SERINC1: variants seen among roughly 807,000 people sequenced by gnomAD.
The protein encoded by SERINC1 is serine incorporator 1.
A neutral mutation model predicts 52.9 loss-of-function variants in SERINC1; 38 were observed. The ratio of observed to expected loss-of-function variants is 0.72; its 90% CI spans 0.55 to 0.94. The LOEUF is 0.94. SERINC1 is among the 40% of genes least tolerant of loss of function. The pLI, the probability that SERINC1 is intolerant of heterozygous loss-of-function variation, is 0.00. For missense variants in SERINC1, 471 were observed against 533.9 expected, an observed-to-expected ratio of 0.88 and a Z score of 1.16; for synonymous variants, 198 against 183.1, an observed-to-expected ratio of 1.08 and a Z score of -0.66.
intron 1 of SERINC1, among the ~76,000 whole-genome samples, chr6:122,466,410 T>C (rs1331557030): frequency 6.6e-6 from 1 of 152,136 alleles, no homozygotes; most frequent in African/African-American, 2.4e-5. Flanking sequence ...ACAACCTCCC[T>C]GGGTTTAGGT....
chr6:122,456,501 A>G lies in SERINC1; in HGVS notation c.351T>C (p.Pro117=), dbSNP rs760241627. 9 of 1,600,054 alleles carry G rather than the reference A, an allele frequency of 5.6e-6. No individual in the cohort carries two copies. The highest frequency in any genetic ancestry group is 1.7e-5 in the Admixed American group (1 of 57,264). ...CTTACCCATTGTGCACTGCAGCTCT[A>G]GGATCACTGCTACTCTTCACTTTGA... is the stretch of plus-strand genomic sequence containing the variant. ...LMIKVKSSSD[P]RAAVHNGFWF... is the part of the protein sequence containing the mutation. Residue 117 remains proline, a synonymous_variant, in exon 3 of 10, where the codon CCT becomes CCC. Transcript: ENST00000339697.
At chr6:122,456,935 A>T (rs957469237) in intron 2 of SERINC1, among the ~76,000 whole-genome samples, 2 of 152,154 alleles carry the variant, frequency 1.3e-5, no homozygotes, top group Non-Finnish European at 2.9e-5. Flanking sequence ...CTTGCATTCT[A>T]CTTGAATAGC....
chr6:122,466,727 T>C (rs1421620317), intron 1 of SERINC1, among the ~76,000 whole-genome samples: 3 of 152,016 alleles, frequency 2.0e-5, no homozygotes, highest in Non-Finnish European at 4.4e-5. Flanking sequence ...ATCAAGGAAA[T>C]TTCTCAGAAA....
chr6:122,451,364 T>C (rs1774900413), intron 7 of SERINC1, among the ~76,000 whole-genome samples: 1 of 152,150 alleles, frequency 6.6e-6, no homozygotes, highest in African/African-American at 2.4e-5. Flanking sequence ...TAGTGTAAGA[T>C]AAACAAAAGT....
At chr6:122,458,855 C>G (rs530857238) in intron 1 of SERINC1, among the ~76,000 whole-genome samples, 174 bp from the exon 2 acceptor site, 1 of 152,172 alleles carries the variant, frequency 6.6e-6, no homozygotes, top group African/African-American at 2.4e-5. Context: ...TACCACAAAA[C>G]TTAGCAACTT....
chr6:122,452,266 A>T (rs1232088948), intron 5 of SERINC1, among the ~76,000 whole-genome samples: 1 of 152,218 alleles, frequency 6.6e-6, no homozygotes, highest in African/African-American at 2.4e-5. Context: ...ACACATAGCT[A>T]TTATGTATTT....
intron 5 of SERINC1, 150 bp downstream of exon 5, chr6:122,453,620 T>G (rs1417882824): frequency 3.9e-6 from 2 of 515,566 alleles, no homozygotes; most frequent in Non-Finnish European, 6.5e-6. Context: ...GCTGATACAA[T>G]GTGATATTTT....
chr6:122,446,952 C>T lies in SERINC1; in HGVS notation c.1048G>A (p.Glu350Lys), dbSNP rs1371114145. 1.2e-6 allele frequency: 2 copies of T among 1,613,624 alleles called. No individual in the cohort carries two copies. Among genetic ancestry groups the T allele is most frequent in the Non-Finnish European group, 1.7e-6 (2 of 1,179,562 alleles). ...QVNKLTLTSDESTLIEDGGAR... is the reference protein window; with the variant it reads ...QVNKLTLTSDKSTLIEDGGAR... Reference sequence around the variant, plus strand: ...CCACCATCTTCTATTAATGTAGATTCATCACTTGTTAGAGTCAGTTTATTA... The same window carrying T: ...CCACCATCTTCTATTAATGTAGATTTATCACTTGTTAGAGTCAGTTTATTA... Residue 350 changes from glutamate (E) to lysine (K), a missense_variant, in exon 9 of 10, where the codon GAA becomes AAA. Physicochemically the swap from Glu to Lys is moderately conservative, Grantham distance 56 (BLOSUM62 1). Transcript: ENST00000339697.
At chr6:122,465,290 G>C (rs1374176712) in intron 1 of SERINC1, among the ~76,000 whole-genome samples, 1 of 152,110 alleles carries the variant, frequency 6.6e-6, no homozygotes, top group Non-Finnish European at 1.5e-5. Context: ...TAAAGGTATA[G>C]TAAAAATAGA....
chr6:122,456,817 A>G (rs1288905321), intron 2 of SERINC1, among the ~76,000 whole-genome samples, 167 bp from the exon 3 acceptor site: 2 of 152,200 alleles, frequency 1.3e-5, no homozygotes, highest in Non-Finnish European at 2.9e-5. Flanking sequence ...AATCACATAC[A>G]GTGGGGAAAA....
intron 2 of SERINC1, among the ~76,000 whole-genome samples, chr6:122,457,359 C>T (rs1420929008): frequency 3.9e-5 from 6 of 152,176 alleles, no homozygotes; most frequent in Non-Finnish European, 8.8e-5. Context: ...CATACGCTGC[C>T]ATGGTTTCAA....
chr6:122,470,061 A>G (rs1461442896), intron 1 of SERINC1, among the ~76,000 whole-genome samples: 1 of 152,216 alleles, frequency 6.6e-6, no homozygotes, highest in Non-Finnish European at 1.5e-5. Context: ...ACAATAAAAT[A>G]AATTCCAAAC....
rs202161596 is a variant in SERINC1 at position 122,456,463 on chromosome 6, G to A, written c.371+18C>T. Reference sequence around the variant, plus strand: ...AGGCTACCCAAGCTTTTATATTGAAGCTTATTTAAAAACTTACCCATTGTG... The same window carrying A: ...AGGCTACCCAAGCTTTTATATTGAAACTTATTTAAAAACTTACCCATTGTG... On this transcript the variant is annotated intron_variant, in intron 3 of 9. Coordinates refer to ENST00000339697, the MANE Select transcript of SERINC1 (RefSeq NM_020755.4). 1.4e-6 allele frequency: 2 copies of A among 1,461,822 alleles called. No individual in the cohort carries two copies. Among genetic ancestry groups the A allele is most frequent in the African/African-American group, 2.9e-5 (2 of 69,410 alleles). 90.6% of individuals were successfully genotyped at this position (1,461,822 alleles called of 1,614,324 possible).
chr6:122,467,263 T>C (rs1286770686), intron 1 of SERINC1, among the ~76,000 whole-genome samples: 1 of 152,142 alleles, frequency 6.6e-6, no homozygotes, highest in African/African-American at 2.4e-5. Flanking sequence ...TATCTGAACT[T>C]AGAGATGCAT....
intron 1 of SERINC1, among the ~76,000 whole-genome samples, chr6:122,470,430 T>C (rs1294547786): frequency 6.6e-6 from 1 of 152,196 alleles, no homozygotes; most frequent in Non-Finnish European, 1.5e-5. Context: ...ACATTACAAA[T>C]TGAATTGCAT....
At chr6:122,455,160 A>G (rs1341936641) in intron 3 of SERINC1, among the ~76,000 whole-genome samples, 1 of 152,146 alleles carries the variant, frequency 6.6e-6, no homozygotes, top group Non-Finnish European at 1.5e-5. Flanking sequence ...TAGACTTCTG[A>G]TAGTTATACT....
At chr6:122,447,356 T>G in intron 7 of SERINC1, 91 bp from the exon 8 acceptor site, 1 of 904,762 alleles carries the variant, frequency 1.1e-6, no homozygotes, top group Non-Finnish European at 1.7e-6. Flanking sequence ...TCTATACCCC[T>G]GCAAATTGAG....
At position 122,446,714 on chromosome 6, in the gene SERINC1, A is replaced by T. The variant is rs1170188066; in HGVS notation, c.1226+60T>A. On this transcript the variant is annotated intron_variant, in intron 9 of 9. Coordinates refer to ENST00000339697, the MANE Select transcript of SERINC1 (RefSeq NM_020755.4). ...CTTCATATCACATCATGGTTTCACA[A>T]GAGAATCATAAAATGCCATCAGAAT... 4 of 1,135,920 alleles carry T rather than the reference A, an allele frequency of 3.5e-6. No individual in the cohort carries two copies. In the African/African-American group the frequency reaches 6.2e-5, roughly 18 times the overall value. 70.4% of individuals were successfully genotyped at this position (1,135,920 alleles called of 1,614,324 possible).
chr6:122,456,004 G>A lies in SERINC1; in HGVS notation c.371+477C>T, dbSNP rs200064423. ...TTTGGTAGCACATATAACTAGATAA[G>A]CAACAGCAGATATTAAAACAGTCAA... On this transcript the variant is annotated intron_variant, in intron 3 of 9. Transcript: ENST00000339697. Among the ~76,000 whole-genome samples the A allele has an allele frequency of 2.0e-5, 3 of 152,088 alleles. No homozygotes were observed. The East Asian group carries it at 5.8e-4, about 29-fold the overall frequency.
Sources: gnomAD v4.1 joint callset for allele counts (sites outside exome capture counted in the v4.1 genomes callset) on GRCh38, gnomAD v4.1.1 for gene constraint, MANE v1.5 for transcripts, NCBI Gene and HGNC (gene_info 2026-07-23, HGNC 2026-07-21) for gene names.